SLC24A1: variants seen among roughly 807,000 people sequenced by gnomAD.
The protein encoded by SLC24A1 is solute carrier family 24 member 1, also known as sodium/potassium/calcium exchanger 1.
A neutral mutation model predicts 88.1 loss-of-function variants in SLC24A1; 52 were observed. The observed-to-expected ratio is 0.59, with a 90% CI of 0.47 to 0.74. The LOEUF (loss-of-function observed/expected upper bound fraction) is 0.74, where lower values mean the gene tolerates loss of function less well. Ranked by LOEUF, SLC24A1 falls within the 30% of genes least tolerant of loss-of-function variation. SLC24A1 has a pLI of 0.00. For missense variants in SLC24A1, 1,173 were observed against 1,363.3 expected (o/e 0.86, Z 2.20); for synonymous variants, 455 against 498.0 (o/e 0.91, Z 1.15).
rs1340528354 is a variant in SLC24A1, at chr15:65,655,572, G to C, written c.*1493G>C. 1 of 985,238 alleles carries C rather than the reference G, an allele frequency of 1.0e-6. No individual in the cohort carries two copies. Among genetic ancestry groups the C allele is most frequent in the Non-Finnish European group, 1.2e-6 (1 of 829,920 alleles). 61.0% of individuals were successfully genotyped at this position (985,238 alleles called of 1,614,324 possible). ...TAAGGGACACGTTAGAAATAGAACA[G>C]CTTAATATCACTGGCTTCAGAGCAA... On this transcript the variant is annotated 3_prime_UTR_variant, in exon 10 of 10. Coordinates refer to ENST00000261892, the MANE Select transcript of SLC24A1 (RefSeq NM_004727.3).
rs117685425 is a variant in SLC24A1 at position 65,650,927 on chromosome 15, C to T, written c.2778C>T (p.Pro926=). Reference sequence around the variant, plus strand: ...TGTTCCCACTGTGGCTGACAGTCCCCGACGTCCGAAGGCAGGTGAGTGTGC... The same window carrying T: ...TGTTCCCACTGTGGCTGACAGTCCCTGACGTCCGAAGGCAGGTGAGTGTGC... ...PIVFPLWLTV[P]DVRRQESRKF... Residue 926 remains proline (P), a synonymous_variant, in exon 7 of 10, where the codon CCC becomes CCT. Coordinates refer to ENST00000261892, the MANE Select transcript of SLC24A1 (RefSeq NM_004727.3). This position sits in a 1 kb window ranked among gnomAD's most constrained non-coding sequence, Gnocchi z 4.1. The T allele has an allele frequency of 2.5e-3, 3,966 of 1,613,838 alleles. 5 individuals carry two copies. The highest frequency in any genetic ancestry group is 3.0e-3 in the Non-Finnish European group (3,556 of 1,179,842).
At chr15:65,615,389 G>C (rs898831447) in intron 2 of SLC24A1, among the ~76,000 whole-genome samples, 1 of 152,166 alleles carries the variant, frequency 6.6e-6, no homozygotes, top group Non-Finnish European at 1.5e-5. Flanking sequence ...AAAGTAATTT[G>C]TGAGGCTGGG....
At chr15:65,627,886 T>G (rs1355867192) in intron 2 of SLC24A1, among the ~76,000 whole-genome samples, 1 of 152,246 alleles carries the variant, frequency 6.6e-6, no homozygotes, top group African/African-American at 2.4e-5. Context: ...CTTCAAGGGC[T>G]TTAGTAGCAA....
downstream of SLC24A1, chr15:65,659,176 CTAAGAG>C (rs1409116833): frequency 6.6e-6 from 1 of 151,914 alleles, no homozygotes; most frequent in African/African-American, 2.4e-5. Context: ...ATAAACAAAA[CTAAGAG>C]TAAGAAAATA....
At chr15:65,621,354 C>T (rs1046846663), upstream of SLC24A1, among the ~76,000 whole-genome samples, 6 of 152,208 alleles carry the variant, frequency 3.9e-5, no homozygotes, top group African/African-American at 1.2e-4. Context: ...CCTCAGGTAT[C>T]TTGGGATGTC....
chr15:65,651,965 T>C, intron 8 of SLC24A1: 1 of 583,630 alleles, frequency 1.7e-6, no homozygotes, highest in East Asian at 3.6e-5. Flanking sequence ...TCCTGTAGCA[T>C]GGCATAGAAG....
rs1299195548 is a variant in SLC24A1, at chr15:65,625,742, C to T, written c.1662C>T (p.Thr554=). 6.2e-7 allele frequency: 1 copy of T among 1,614,064 alleles called. No individual in the cohort carries two copies. The highest frequency in any genetic ancestry group is 1.1e-5 in the South Asian group (1 of 91,088). ...SLFSREILNL[T]WWPLFRDVSF... is the part of the protein sequence containing the mutation. ...TCTCCCGAGAGATCCTCAACCTCAC[C>T]TGGTGGCCCTTATTCCGTGATGTCT... is the stretch of plus-strand genomic sequence containing the variant. The change falls in exon 2 of 10, where the codon ACC becomes ACT. Residue 554 remains threonine (T), a synonymous_variant. Transcript: ENST00000261892.
Position 65,625,648 on chromosome 15 carries a change from T to A in SLC24A1, c.1568T>A (p.Val523Glu). 3.7e-6 allele frequency: 6 copies of A among 1,614,062 alleles called. No individual in the cohort carries two copies. Among genetic ancestry groups the A allele is most frequent in the Non-Finnish European group, 5.1e-6 (6 of 1,179,900 alleles). ...LIGVFISHSNVGIGTIVGSAV... is the reference protein window; with the variant it reads ...LIGVFISHSNEGIGTIVGSAV... Reference sequence around the variant, plus strand: ...GGTGTCTTCATTTCCCACAGCAACGTGGGCATTGGTACCATTGTGGGCTCT... The same window carrying A: ...GGTGTCTTCATTTCCCACAGCAACGAGGGCATTGGTACCATTGTGGGCTCT... The change falls in exon 2 of 10, where the codon GTG becomes GAG. Residue 523 changes from valine to glutamate, a missense_variant. Transcript: ENST00000261892.
At chr15:65,647,303 C>A (rs1008085176) in intron 6 of SLC24A1, among the ~76,000 whole-genome samples, 3 of 151,638 alleles carry the variant, frequency 2.0e-5, no homozygotes, top group Non-Finnish European at 4.4e-5. Flanking sequence ...CATGGTGAAA[C>A]CCCATCTCTA....
At chr15:65,633,627 T>C (rs576992282) in intron 2 of SLC24A1, among the ~76,000 whole-genome samples, 5 of 152,182 alleles carry the variant, frequency 3.3e-5, no homozygotes, top group Non-Finnish European at 7.4e-5. Context: ...GCCACTGCAC[T>C]CCAGCCTGGG....
chr15:65,643,785 C>T (rs1232514973), intron 4 of SLC24A1: 2 of 153,516 alleles, frequency 1.3e-5, no homozygotes, highest in Non-Finnish European at 2.9e-5. Context: ...TTCTCGGGCT[C>T]TTGTTGTGCC....
In SLC24A1 at chr15:65,655,144, G is replaced by C; in HGVS notation, c.*1065G>C. The stretch of plus-strand genomic sequence containing the variant: ...GAGGGATTAGACATTCTAATGGAAT[G>C]TCCTGGCTCCACCCTCCAGCATGTT... On this transcript the variant is annotated 3_prime_UTR_variant, in exon 10 of 10. Coordinates refer to ENST00000261892, the MANE Select transcript of SLC24A1 (RefSeq NM_004727.3). The C allele has an allele frequency of 1.0e-6, 1 of 992,590 alleles. No homozygotes were observed. The highest frequency in any genetic ancestry group is 5.2e-4 in the Middle Eastern group (1 of 1,928). 61.5% of individuals were successfully genotyped at this position (992,590 alleles called of 1,614,324 possible).
At chr15:65,644,106 G>T (rs532785235) in intron 4 of SLC24A1, 35 of 302,764 alleles carry the variant, frequency 1.2e-4, no homozygotes, top group African/African-American at 7.2e-4. Context: ...AGCTTGTAAA[G>T]GAAATAAATC....
downstream of SLC24A1, chr15:65,660,275 C>T: frequency 6.5e-7 from 1 of 1,534,140 alleles, no homozygotes; most frequent in Non-Finnish European, 8.7e-7. Flanking sequence ...CCATTATTTC[C>T]CAGAGTTGGA....
intron 2 of SLC24A1, among the ~76,000 whole-genome samples, chr15:65,626,302 G>T (rs1033429466): frequency 6.6e-6 from 1 of 152,186 alleles, no homozygotes; most frequent in Non-Finnish European, 1.5e-5. Flanking sequence ...TTTGAACTTG[G>T]GTTGGTGCGA....
At chr15:65,642,961 G>A (rs80200212) in intron 4 of SLC24A1, 26,036 of 1,281,678 alleles carry the variant, frequency 0.02, 320 homozygotes, top group Middle Eastern at 0.033. Context: ...CTTCTAACTC[G>A]GACCCTCTGG....
chr15:65,622,571 T>C (rs2074355324), intron 1 of SLC24A1, among the ~76,000 whole-genome samples: 1 of 152,274 alleles, frequency 6.6e-6, no homozygotes, highest in South Asian at 2.1e-4. Flanking sequence ...AAACTAATCA[T>C]TTCCAGTTAT....
chr15:65,611,386 T>G (rs1404271492), upstream of SLC24A1: 1 of 596,362 alleles, frequency 1.7e-6, no homozygotes, highest in Admixed American at 2.9e-5. Context: ...TGGCTGGGTT[T>G]CCTGCCGTGT....
At chr15:65,656,653 A>G (rs935235669), downstream of SLC24A1, among the ~76,000 whole-genome samples, 2 of 152,198 alleles carry the variant, frequency 1.3e-5, no homozygotes, top group Non-Finnish European at 2.9e-5. Context: ...TTCAGCCTGG[A>G]AAGTCTGAAC....
Sources: gnomAD v4.1 joint callset for allele counts (sites outside exome capture counted in the v4.1 genomes callset) on GRCh38, gnomAD v4.1.1 for gene constraint, Gnocchi (gnomAD v3.1) non-coding constraint, MANE v1.5 for transcripts, NCBI Gene and HGNC (gene_info 2026-07-23, HGNC 2026-07-21) for gene names.